Variants in IQCM observed in about 807,000 individuals in gnomAD.
IQCM encodes the protein IQ domain-containing protein M.
In IQCM, 45 loss-of-function variants were observed where a neutral mutation model predicts 57.6. The observed-to-expected ratio is 0.78, with a 90% confidence interval of 0.62 to 1.00. The LOEUF is 1.00. Among genes scored for constraint, IQCM ranks in the 50% least tolerant of loss-of-function variants. The pLI, the probability that IQCM is intolerant of heterozygous loss-of-function variation, is 0.00. For synonymous variants in IQCM, 148 were observed against 158.9 expected (o/e 0.93, Z 0.51); for missense variants, 468 against 511.6 (o/e 0.91, Z 0.82).
chr4:149,388,135 T>C (rs1423147594), intron 13 of IQCM, among the ~76,000 whole-genome samples: 1 of 152,000 alleles, frequency 6.6e-6, no homozygotes, highest in African/African-American at 2.4e-5. Context: ...TGGATAATAT[T>C]GCTATGAATA....
rs1322099499 is a variant in IQCM, at chr4:149,354,351, G to A, written c.1391-2285C>T. On this transcript the variant is annotated intron_variant, in intron 13 of 13. Coordinates refer to ENST00000636793, the MANE Select transcript of IQCM (RefSeq NM_001363507.2). The stretch of plus-strand genomic sequence containing the variant: ...TGCACTCCAGCCTGGGCGACAGAGC[G>A]AGACTCCGTCTCAAAAAAAAAAAAA... 1.3e-3 allele frequency among the ~76,000 whole-genome samples: 48 copies of A among 35,848 alleles called. 2 individuals carry two copies. In the South Asian group the frequency reaches 0.052, roughly 39 times the overall value. 23.5% of individuals were successfully genotyped at this position (35,848 alleles called of 152,430 possible). A position where few individuals can be genotyped will look rare whatever the true frequency, so the allele number is the denominator to read the frequency against.
At chr4:149,435,610 C>T (rs1735284315) in intron 12 of IQCM, among the ~76,000 whole-genome samples, 1 of 150,986 alleles carries the variant, frequency 6.6e-6, no homozygotes, top group South Asian at 2.1e-4. Flanking sequence ...TCAGGCATGT[C>T]CTTCACGAGC....
intron 5 of IQCM, among the ~76,000 whole-genome samples, chr4:149,701,601 C>T (rs1199005178): frequency 6.6e-6 from 1 of 152,032 alleles, no homozygotes; most frequent in Non-Finnish European, 1.5e-5. Flanking sequence ...CAATGTGTCT[C>T]ACACGCTCTG....
Position 149,580,443 on chromosome 4 carries a change from C to T in IQCM, c.749+7487G>A, listed in dbSNP as rs1752072999. Reference sequence around the variant, plus strand: ...CAGTGGTGCCAAGAGCCAGAATGTACACAAAAAGAATAATTCATGTCATGC... The same window carrying T: ...CAGTGGTGCCAAGAGCCAGAATGTATACAAAAAGAATAATTCATGTCATGC... On this transcript the variant is annotated intron_variant, in intron 9 of 13. Transcript: ENST00000636793. 2.0e-5 allele frequency among the ~76,000 whole-genome samples: 3 copies of T among 151,804 alleles called. No homozygotes were observed. In the South Asian group the frequency reaches 6.2e-4, roughly 31 times the overall value.
intron 12 of IQCM, among the ~76,000 whole-genome samples, chr4:149,513,594 C>G (rs2149814037): frequency 6.6e-6 from 1 of 152,178 alleles, no homozygotes; most frequent in East Asian, 1.9e-4. Context: ...ATGAAAGAGA[C>G]AGAAGTAAAA....
At chr4:149,741,246 C>T (rs374813814) in intron 3 of IQCM, among the ~76,000 whole-genome samples, 1 of 152,112 alleles carries the variant, frequency 6.6e-6, no homozygotes. Flanking sequence ...TTCCCCCTCC[C>T]TTATTCTCTG....
At chr4:149,461,654 C>CAA (rs57953107) in intron 12 of IQCM, among the ~76,000 whole-genome samples, 40 of 64,270 alleles carry the variant, frequency 6.2e-4, no homozygotes, top group African/African-American at 1.6e-3. Flanking sequence ...ACCCAGTCTC[C>CAA]AAAAAAAAAA....
chr4:149,391,921 T>C (rs940503441), intron 13 of IQCM, among the ~76,000 whole-genome samples: 1 of 152,002 alleles, frequency 6.6e-6, no homozygotes, highest in Non-Finnish European at 1.5e-5. Context: ...GAATGTTCCA[T>C]ATGCACTTGA....
chr4:149,628,406 G>C (rs1756991798), intron 7 of IQCM, among the ~76,000 whole-genome samples: 1 of 152,042 alleles, frequency 6.6e-6, no homozygotes, highest in Non-Finnish European at 1.5e-5. Flanking sequence ...AAATGTAATG[G>C]CAGAATAAAA....
chr4:149,707,358 A>T (rs774436516), intron 5 of IQCM, among the ~76,000 whole-genome samples: 1 of 152,048 alleles, frequency 6.6e-6, no homozygotes, highest in Non-Finnish European at 1.5e-5. Flanking sequence ...GTTGTTATGC[A>T]TGTTACAATA....
chr4:149,785,970 T>G lies in IQCM; in HGVS notation c.-49+29341A>C, dbSNP rs1281069073. On this transcript the variant is annotated intron_variant, in intron 2 of 13. Transcript: ENST00000636793. Reference sequence around the variant, plus strand: ...GTTTCTTCAGTTTCACTCTAGAATCTTTTGATTCTGTTAAATTTAAGTAAA... The same window carrying G: ...GTTTCTTCAGTTTCACTCTAGAATCGTTTGATTCTGTTAAATTTAAGTAAA... Among the ~76,000 whole-genome samples the G allele has an allele frequency of 2.0e-5, 3 of 152,210 alleles. No individual in the cohort carries two copies. The East Asian group carries it at 5.8e-4, about 29-fold the overall frequency.
rs534136136 is a variant in IQCM, at chr4:149,599,788, C to T, written c.682-11791G>A. On this transcript the variant is annotated intron_variant, in intron 8 of 13. Coordinates refer to ENST00000636793, the MANE Select transcript of IQCM (RefSeq NM_001363507.2). ...AATGCCAAGCAATGAACAGCTGCTG[C>T]CAGGTGTTAATTACTTTATTCTGAA... Among the ~76,000 whole-genome samples, 99 of 152,154 alleles carry T rather than the reference C, an allele frequency of 6.5e-4. No individual in the cohort carries two copies. In the South Asian group the frequency reaches 0.018, roughly 28 times the overall value.
chr4:149,624,978 C>A (rs1423977189), intron 7 of IQCM, among the ~76,000 whole-genome samples: 1 of 152,162 alleles, frequency 6.6e-6, no homozygotes, highest in African/African-American at 2.4e-5. Context: ...TCAATTAATT[C>A]TTTGAGTTAA....
At chr4:149,408,885 A>G (rs1733168996) in intron 13 of IQCM, among the ~76,000 whole-genome samples, 1 of 152,160 alleles carries the variant, frequency 6.6e-6, no homozygotes, top group African/African-American at 2.4e-5. Context: ...GGAGGTCTAG[A>G]CGTGTTTTTT....
chr4:149,429,748 A>G (rs530632405), intron 13 of IQCM, among the ~76,000 whole-genome samples: 6 of 152,074 alleles, frequency 3.9e-5, no homozygotes, highest in African/African-American at 1.4e-4. Context: ...AGTTTTAGGA[A>G]GCACCTCTGT....
chr4:149,531,879 C>T (rs539384695), intron 12 of IQCM, among the ~76,000 whole-genome samples: 2 of 152,118 alleles, frequency 1.3e-5, no homozygotes, highest in South Asian at 2.1e-4. Context: ...TCATAACAGA[C>T]ACTGGCCTGG....
intron 5 of IQCM, among the ~76,000 whole-genome samples, chr4:149,726,691 A>G (rs1580135939): frequency 6.6e-6 from 1 of 152,304 alleles, no homozygotes; most frequent in African/African-American, 2.4e-5. Context: ...GGCTAGTCCA[A>G]TTTAAGCATC....
At chr4:149,740,684 C>CAG (rs10659581) in intron 3 of IQCM, among the ~76,000 whole-genome samples, 128,697 of 151,964 alleles carry the variant, frequency 0.85, 54,702 homozygotes, top group East Asian at 0.99. Context: ...TTCTTTCAAT[C>CAG]AGAGGCTCAG....
At chr4:149,602,146 A>T (rs924074869) in intron 8 of IQCM, among the ~76,000 whole-genome samples, 1 of 152,134 alleles carries the variant, frequency 6.6e-6, no homozygotes, top group Admixed American at 6.5e-5. Context: ...AAAACTATTT[A>T]CATGCTATTT....
Sources: allele counts gnomAD v4.1 joint callset (sites outside exome capture counted in the v4.1 genomes callset), GRCh38; gene constraint gnomAD v4.1.1; transcripts MANE v1.5; gene names NCBI Gene and HGNC (gene_info 2026-07-23, HGNC 2026-07-21).